Variants in ACACA observed in about 807,000 individuals in gnomAD.
The protein encoded by ACACA is acetyl-CoA carboxylase alpha, also known as acetyl-CoA carboxylase 1.
Under a neutral mutation model 296.1 loss-of-function variants are expected in ACACA, and 103 were observed. The observed-to-expected ratio is 0.35, with a 90% CI of 0.30 to 0.41. The LOEUF (loss-of-function observed/expected upper bound fraction) is 0.41, where lower values mean the gene tolerates loss of function less well. ACACA is among the 10% of genes least tolerant of loss of function. The probability of loss-of-function intolerance (pLI) is 1.00; values close to 1 mark genes in which losing one functional copy is unlikely to be tolerated. For synonymous variants in ACACA, 953 were observed against 1,038.6 expected, an observed-to-expected ratio of 0.92 and a Z score of 1.58; for missense variants, 1,554 against 2,989.7, an observed-to-expected ratio of 0.52 and a Z score of 11.20.
intron 36 of ACACA, among the ~76,000 whole-genome samples, chr17:37,192,727 T>TA (rs2077812940): frequency 6.6e-6 from 1 of 152,174 alleles, no homozygotes; most frequent in African/African-American, 2.4e-5. Context: ...TTTTCTCACT[T>TA]ATGATAAGTA....
intron 2 of ACACA, among the ~76,000 whole-genome samples, chr17:37,331,397 C>T (rs74786623): frequency 0.12 from 18,275 of 146,748 alleles, 1,714 homozygotes; most frequent in East Asian, 0.46. Flanking sequence ...TGTGAGCCAC[C>T]GCACCCGGCC....
chr17:37,259,161 G>GA (rs1346391383), intron 12 of ACACA, among the ~76,000 whole-genome samples, 199 bp downstream of exon 12: 1 of 152,090 alleles, frequency 6.6e-6, no homozygotes, highest in Non-Finnish European at 1.5e-5. Flanking sequence ...TGTCTGGCTA[G>GA]AAAAAATAAC....
At chr17:37,210,557 A>T in intron 29 of ACACA, 67 bp from the exon 30 acceptor site, 3 of 1,473,148 alleles carry the variant, frequency 2.0e-6, no homozygotes, top group Non-Finnish European at 2.9e-6. Flanking sequence ...GAATTGTCAG[A>T]GCAGATATAG....
intron 1 of ACACA, among the ~76,000 whole-genome samples, chr17:37,381,922 C>T (rs548393098): frequency 1.7e-4 from 26 of 151,958 alleles, no homozygotes; most frequent in East Asian, 9.7e-4. Context: ...CCACTGCACC[C>T]GGCCATGTCT....
Position 37,178,280 on chromosome 17 carries a change from C to T in ACACA, c.5079+980G>A, listed in dbSNP as rs372955970. ...ATAGGTTACTCTGAGAGAAAGGATG[C>T]CAAGGCTAGAAAATGCATTCTTGGG... is the stretch of plus-strand genomic sequence containing the variant. On this transcript the variant is annotated intron_variant, in intron 41 of 55. Transcript: ENST00000616317. Among the ~76,000 whole-genome samples, 265 of 152,138 alleles carry T rather than the reference C, an allele frequency of 1.7e-3. 3 individuals are homozygous for T. In the South Asian group the frequency reaches 0.051, roughly 29 times the overall value.
At position 37,316,563 on chromosome 17, in the gene ACACA, G is replaced by A. The variant is rs1037966717; in HGVS notation, c.338+13610C>T. ...TGAAGTAGTGTCATGAGATGAAGAT[G>A]TGGAGAAAGGGGAAACCTCGTACAC... On this transcript the variant is annotated intron_variant, in intron 3 of 55. Transcript: ENST00000616317. Among the ~76,000 whole-genome samples, 41 of 152,200 alleles carry A rather than the reference G, an allele frequency of 2.7e-4. 1 individual carries two copies.
intron 29 of ACACA, 155 bp downstream of exon 29, chr17:37,221,569 G>A (rs983130167): frequency 2.2e-5 from 16 of 726,290 alleles, no homozygotes; most frequent in Admixed American, 1.0e-4. Flanking sequence ...TCAAAGAAGT[G>A]GGCACCAAAA....
At chr17:37,134,814 T>C (rs2075265152) in intron 45 of ACACA, among the ~76,000 whole-genome samples, 1 of 152,236 alleles carries the variant, frequency 6.6e-6, no homozygotes, top group Admixed American at 6.5e-5. Flanking sequence ...AGGAGGGGTT[T>C]TGTAAATTTA....
At chr17:37,241,569 G>A (rs1400734563) in intron 23 of ACACA, among the ~76,000 whole-genome samples, 2 of 152,076 alleles carry the variant, frequency 1.3e-5, no homozygotes, top group Non-Finnish European at 2.9e-5. Flanking sequence ...GCTGGATGTG[G>A]TGGTGCACAG....
intron 29 of ACACA, 109 bp downstream of exon 29, chr17:37,221,615 G>T: frequency 1.1e-6 from 1 of 940,788 alleles, no homozygotes; most frequent in Non-Finnish European, 1.8e-6. Flanking sequence ...TTCATTTTTT[G>T]CCCTACATTT....
At chr17:37,301,493 C>G (rs768629168) in intron 3 of ACACA, 6 of 624,268 alleles carry the variant, frequency 9.6e-6, no homozygotes, top group Non-Finnish European at 1.2e-5. Flanking sequence ...GCTAGCTTGA[C>G]TGCAACACAG....
At chr17:37,177,533 G>A (rs1254506766) in intron 41 of ACACA, among the ~76,000 whole-genome samples, 1 of 152,188 alleles carries the variant, frequency 6.6e-6, no homozygotes, top group Non-Finnish European at 1.5e-5. Context: ...CAGCACTGCA[G>A]CTAGCTTTCA....
intron 3 of ACACA, among the ~76,000 whole-genome samples, chr17:37,293,538 A>G (rs942354942): frequency 7.0e-6 from 1 of 142,938 alleles, no homozygotes; most frequent in Non-Finnish European, 1.5e-5. Context: ...TAATTTTAGG[A>G]CTTTTTTTTT....
chr17:37,257,253 T>C (rs960091658), intron 14 of ACACA, among the ~76,000 whole-genome samples: 2 of 152,180 alleles, frequency 1.3e-5, no homozygotes, highest in African/African-American at 2.4e-5. Flanking sequence ...GAGTACATCA[T>C]GGTGACTATG....
intron 3 of ACACA, among the ~76,000 whole-genome samples, chr17:37,322,531 C>A (rs1213191534): frequency 1.3e-5 from 2 of 152,058 alleles, no homozygotes; most frequent in Non-Finnish European, 2.9e-5. Context: ...ACCTATGGAC[C>A]TAAGTGAGAA....
At position 37,085,912 on chromosome 17, in the gene ACACA, A is replaced by C. The variant is rs1209033547; in HGVS notation, c.*1404T>G. 1.3e-5 allele frequency: 5 copies of C among 398,568 alleles called. No homozygotes were observed. The highest frequency in any genetic ancestry group is 2.2e-5 in the Non-Finnish European group (5 of 226,086). 24.7% of individuals were successfully genotyped at this position (398,568 alleles called of 1,614,324 possible). On this transcript the variant is annotated 3_prime_UTR_variant, in exon 56 of 56. Coordinates refer to ENST00000616317, the MANE Select transcript of ACACA (RefSeq NM_198834.3). ...GTGACAAATGCAGTTAGCTGCACTA[A>C]AGGAACCGGATGCTACACCAGCCCT...
chr17:37,230,472 T>C (rs2079807395), intron 25 of ACACA, among the ~76,000 whole-genome samples: 1 of 152,168 alleles, frequency 6.6e-6, no homozygotes. Flanking sequence ...TTAACCACTA[T>C]TTTCGTTAGT....
At chr17:37,090,795 A>G (rs1377815857) in intron 54 of ACACA, among the ~76,000 whole-genome samples, 1 of 151,978 alleles carries the variant, frequency 6.6e-6, no homozygotes, top group African/African-American at 2.4e-5. Context: ...CAACATTTCC[A>G]TTTCCATCAT....
Position 37,390,171 on chromosome 17 carries a change from T to TAC in ACACA, c.38+16090_38+16091insGT, listed in dbSNP as rs1214175820. Among the ~76,000 whole-genome samples, 34 of 56,170 alleles carry TAC rather than the reference T, an allele frequency of 6.1e-4. 2 individuals carry two copies. Among genetic ancestry groups the TAC allele is most frequent in the Admixed American group, 3.8e-3 (11 of 2,860 alleles). 36.8% of individuals were successfully genotyped at this position (56,170 alleles called of 152,430 possible). On this transcript the variant is annotated intron_variant, in intron 1 of 55. Transcript: ENST00000616317. The stretch of plus-strand genomic sequence containing the variant: ...ATATATATATATATATATATATATA[T>TAC]ATATACACACACACATTATATATAA...
Sources: gnomAD v4.1 joint callset for allele counts (sites outside exome capture counted in the v4.1 genomes callset) on GRCh38, gnomAD v4.1.1 for gene constraint, MANE v1.5 for transcripts, NCBI Gene and HGNC (gene_info 2026-07-23, HGNC 2026-07-21) for gene names.